The following SLC22A5 variants were observed in gnomAD, a reference collection of about 807,000 sequenced individuals.
SLC22A5 encodes solute carrier family 22 member 5.
SLC22A5 carries 44 observed loss-of-function variants against 56.7 expected under a neutral mutation model. That is an observed-to-expected ratio of 0.78 (90% CI 0.61 to 1.00). SLC22A5 has a LOEUF of 1.00. Ranked by LOEUF, SLC22A5 falls within the 50% of genes least tolerant of loss-of-function variation. The pLI, the probability that SLC22A5 is intolerant of heterozygous loss-of-function variation, is 0.00. For missense variants in SLC22A5, 675 were observed against 723.0 expected (o/e 0.93, Z 0.76); for synonymous variants, 278 against 292.1 (o/e 0.95, Z 0.49).
rs931801909 is a variant in SLC22A5, at chr5:132,387,059, C to T, written c.859C>T (p.Gln287Ter). Residue 287 changes from glutamine to a stop codon, truncating the protein, a stop_gained, in exon 5 of 10, where the codon CAG (glutamine) becomes TAG (stop). Transcript: ENST00000245407. LOFTEE classifies it high-confidence loss of function. ...IPESPRWLIS[Q>*]GRFEEAEVII... ...TGAGTCCCCCCGATGGCTCATCTCT[C>T]AGGGACGATTTGAAGAGGCAGAGGT... 1 of 1,614,038 alleles carries T rather than the reference C, an allele frequency of 6.2e-7. No homozygotes were observed. Among genetic ancestry groups the T allele is most frequent in the African/African-American group, 1.3e-5 (1 of 74,922 alleles).
rs138243653 is a variant in SLC22A5 at position 132,375,235 on chromosome 5, G to A, written c.394-3143G>A. ...CCTGAGCCTCTCTTCTATACAGGGG[G>A]CACTGCCAGGAGTTGTAGAGGATGT... On this transcript the variant is annotated intron_variant, in intron 1 of 9. Transcript: ENST00000245407. Among the ~76,000 whole-genome samples the A allele has an allele frequency of 5.0e-3, 764 of 152,324 alleles. 6 individuals are homozygous for A. Among genetic ancestry groups the A allele is most frequent in the African/African-American group, 0.018 (741 of 41,562 alleles).
Position 132,370,180 on chromosome 5 carries a change from C to T in SLC22A5, c.208C>T (p.Arg70Trp), listed in dbSNP as rs753453677. 4 of 1,600,722 alleles carry T rather than the reference C, an allele frequency of 2.5e-6. No homozygotes were observed. In the African/African-American group the frequency reaches 5.4e-5, roughly 21 times the overall value. Residue 70 changes from arginine (R) to tryptophan (W), a missense_variant, in exon 1 of 10, where the codon CGG becomes TGG. Physicochemically the swap from Arg to Trp is moderately radical, Grantham distance 101. Coordinates refer to ENST00000245407, the MANE Select transcript of SLC22A5 (RefSeq NM_003060.4). ...SAWRNHTVPLRLRDGREVPHS... is the reference protein window; with the variant it reads ...SAWRNHTVPLWLRDGREVPHS... ...CTGGCGCAACCACACTGTCCCACTG[C>T]GGCTGCGGGACGGCCGCGAGGTGCC...
intron 5 of SLC22A5, 35 bp downstream of exon 5, chr5:132,387,186 A>G: frequency 6.2e-7 from 1 of 1,613,412 alleles, no homozygotes; most frequent in South Asian, 1.1e-5. Flanking sequence ...AGAGGGACAG[A>G]CTGACCGTGA....
In SLC22A5 at chr5:132,390,729, T is replaced by C. The variant is rs1421801036; in HGVS notation, c.1092T>C (p.Asp364=). 2 of 1,614,150 alleles carry C rather than the reference T, an allele frequency of 1.2e-6. No homozygotes were observed. Among genetic ancestry groups the C allele is most frequent in the East Asian group, 2.2e-5 (1 of 44,902 alleles). ...ISVGYFGLSL[D]TPNLHGDIFV... is the part of the protein sequence containing the mutation. ...TGGGCTATTTTGGGCTTTCGCTTGA[T>C]ACTCCTAACTTGCATGGGGACATCT... The change falls in exon 7 of 10, where the codon GAT becomes GAC. Residue 364 remains aspartate (D), a synonymous_variant. Transcript: ENST00000245407.
chr5:132,386,994 G>A (rs202179210), intron 4 of SLC22A5, 31 bp from the exon 5 acceptor site: 19 of 1,613,548 alleles, frequency 1.2e-5, no homozygotes, highest in Non-Finnish European at 1.4e-5. Flanking sequence ...TGGCAGGGAG[G>A]CCTCACTGAG....
chr5:132,385,607 A>C, intron 4 of SLC22A5, 108 bp downstream of exon 4: 1 of 883,852 alleles, frequency 1.1e-6, no homozygotes. Flanking sequence ...TCCCAGAGAC[A>C]GGAAGCATAG....
intron 4 of SLC22A5, among the ~76,000 whole-genome samples, chr5:132,385,746 A>G (rs1752505685): frequency 6.6e-6 from 1 of 152,294 alleles, no homozygotes; most frequent in Admixed American, 6.5e-5. Flanking sequence ...AAATAGCAGT[A>G]GCTGTGAGAA....
intron 1 of SLC22A5, chr5:132,377,282 A>C (rs1752178333): frequency 6.6e-6 from 1 of 152,144 alleles, no homozygotes; most frequent in Non-Finnish European, 1.5e-5. Context: ...GCTTTGTTCT[A>C]GGGAGCCGCA....
At chr5:132,378,204 G>A in intron 1 of SLC22A5, 174 bp from the exon 2 acceptor site, 2 of 1,611,356 alleles carry the variant, frequency 1.2e-6, no homozygotes, top group South Asian at 1.1e-5. Context: ...AACAGGATGG[G>A]AAAGAAGCCT....
At chr5:132,382,431 T>C (rs966542878) in intron 2 of SLC22A5, 1 of 124,596 alleles carries the variant, frequency 8.0e-6, no homozygotes, top group Non-Finnish European at 1.6e-5. Context: ...TCAGGATCCC[T>C]AGTTCCTTAT....
At position 132,393,730 on chromosome 5, in the gene SLC22A5, C is replaced by G; in HGVS notation, c.1505C>G (p.Thr502Arg). 1.2e-6 allele frequency: 2 copies of G among 1,614,188 alleles called. No homozygotes were observed. Among genetic ancestry groups the G allele is most frequent in the Non-Finnish European group, 1.7e-6 (2 of 1,180,016 alleles). Residue 502 changes from threonine to arginine, a missense_variant, in exon 9 of 10, where the codon ACA becomes AGA. Thr to Arg is a moderately conservative substitution (Grantham distance 71). Transcript: ENST00000245407. The part of the protein sequence containing the change: ...YILMGSLTIL[T>R]AILTLFLPES... ...CTCATGGGAAGTCTGACCATCCTGA[C>G]AGCCATCCTCACCTTGTTTCTCCCA... is the stretch of plus-strand genomic sequence containing the variant.
At chr5:132,376,497 A>G (rs1752143119) in intron 1 of SLC22A5, 1 of 152,202 alleles carries the variant, frequency 6.6e-6, no homozygotes, top group Admixed American at 6.5e-5. Context: ...GTTTTAGGTC[A>G]CACCCAACCT....
Position 132,370,244 on chromosome 5 carries a change from A to G in SLC22A5, c.272A>G (p.Asn91Ser), listed in dbSNP as rs546442503. Residue 91 changes from asparagine to serine, a missense_variant, in exon 1 of 10, where the codon AAC (asparagine) becomes AGC (serine). Transcript: ENST00000245407. ...CGCTACCGGCTCGCCACCATCGCCAACTTCTCGGCGCTTGGGCTGGAGCCG... is the reference window on the plus strand; with the variant it reads ...CGCTACCGGCTCGCCACCATCGCCAGCTTCTCGGCGCTTGGGCTGGAGCCG... ...CRRYRLATIA[N>S]FSALGLEPGR... is the part of the protein sequence containing the mutation. 5.6e-5 allele frequency: 89 copies of G among 1,576,526 alleles called. 1 individual carries two copies. In the Admixed American group the frequency reaches 8.8e-4, roughly 16 times the overall value.
chr5:132,386,606 C>T (rs548557045), intron 4 of SLC22A5, among the ~76,000 whole-genome samples: 1 of 152,276 alleles, frequency 6.6e-6, no homozygotes, highest in South Asian at 2.1e-4. Flanking sequence ...AGAAGAGAAG[C>T]TAAAAGGCCA....
intron 4 of SLC22A5, among the ~76,000 whole-genome samples, chr5:132,386,118 G>A (rs372280830): frequency 2.6e-5 from 4 of 152,230 alleles, no homozygotes; most frequent in Admixed American, 6.5e-5. Flanking sequence ...GACCGAGGGT[G>A]GGGGGCGGCT....
chr5:132,385,405 A>C lies in SLC22A5; in HGVS notation c.730A>C (p.Met244Leu). 1.2e-6 allele frequency: 2 copies of C among 1,614,136 alleles called. No individual in the cohort carries two copies. The highest frequency in any genetic ancestry group is 1.7e-6 in the Non-Finnish European group (2 of 1,179,960). ...GVCIFYAFGYMVLPLFAYFIR... is the reference protein window; with the variant it reads ...GVCIFYAFGYLVLPLFAYFIR... ...GTGCATATTTTATGCATTTGGCTAC[A>C]TGGTGCTGCCACTGTTTGCTTACTT... is the stretch of plus-strand genomic sequence containing the variant. The change falls in exon 4 of 10, where the codon ATG (methionine) becomes CTG (leucine). Residue 244 changes from methionine to leucine, a missense_variant. By Grantham distance (15) the Met-to-Leu change is conservative. Coordinates refer to ENST00000245407, the MANE Select transcript of SLC22A5 (RefSeq NM_003060.4).
At chr5:132,393,581 G>A in intron 8 of SLC22A5, 95 bp from the exon 9 acceptor site, 1 of 1,402,196 alleles carries the variant, frequency 7.1e-7, no homozygotes, top group East Asian at 2.3e-5. Flanking sequence ...GAAGGAAAGT[G>A]ATCCCCTTCC....
chr5:132,387,624 G>GA (rs909069168), intron 5 of SLC22A5, among the ~76,000 whole-genome samples: 29 of 150,978 alleles, frequency 1.9e-4, no homozygotes, highest in Non-Finnish European at 4.1e-4. Context: ...TCATTAAAAA[G>GA]AAAAAAAAAG....
intron 1 of SLC22A5, chr5:132,377,281 T>G (rs1300801692): frequency 6.6e-6 from 1 of 152,240 alleles, no homozygotes; most frequent in East Asian, 1.9e-4. Flanking sequence ...TGCTTTGTTC[T>G]AGGGAGCCGC....
Sources: gnomAD v4.1 joint callset for allele counts (sites outside exome capture counted in the v4.1 genomes callset) on GRCh38, gnomAD v4.1.1 for gene constraint, MANE v1.5 for transcripts, NCBI Gene and HGNC (gene_info 2026-07-23, HGNC 2026-07-21) for gene names.